Variants in SMYD3 observed in about 807,000 individuals in gnomAD.
SMYD3 encodes SET and MYND domain containing 3, also known as histone-lysine N-methyltransferase SMYD3.
Under a neutral mutation model 57.7 loss-of-function variants are expected in SMYD3, and 36 were observed. That is an observed-to-expected ratio of 0.62 (90% confidence interval 0.48 to 0.82). The LOEUF (loss-of-function observed/expected upper bound fraction) is 0.82. SMYD3 is among the 40% of genes least tolerant of loss of function. The pLI is 0.00. For synonymous variants in SMYD3, 211 were observed against 195.0 expected (o/e 1.08, Z -0.68); for missense variants, 515 against 538.8 (o/e 0.96, Z 0.44).
At chr1:246,382,893 C>T (rs988112577) in intron 1 of SMYD3, among the ~76,000 whole-genome samples, 1 of 152,194 alleles carries the variant, frequency 6.6e-6, no homozygotes, top group Non-Finnish European at 1.5e-5. Flanking sequence ...CACTCCAGGG[C>T]CAGGCTGGCC....
intron 5 of SMYD3, among the ~76,000 whole-genome samples, chr1:246,220,807 C>G (rs541665224): frequency 7.2e-5 from 11 of 152,200 alleles, no homozygotes; most frequent in Admixed American, 4.6e-4. Context: ...TGCAAACTTC[C>G]TCCCCTCTGA....
chr1:246,306,663 T>C (rs1159831253), intron 5 of SMYD3, among the ~76,000 whole-genome samples: 1 of 152,216 alleles, frequency 6.6e-6, no homozygotes, highest in African/African-American at 2.4e-5. Flanking sequence ...ACTTTTAAGG[T>C]GTAATATTGT....
intron 1 of SMYD3, among the ~76,000 whole-genome samples, chr1:246,440,368 G>A (rs536440694): frequency 7.2e-5 from 11 of 152,156 alleles, no homozygotes; most frequent in Admixed American, 2.0e-4. Context: ...TGCCAAGCAC[G>A]ACATTAGCAC....
chr1:245,750,682 A>G (rs942314610), intron 11 of SMYD3, among the ~76,000 whole-genome samples: 4 of 149,262 alleles, frequency 2.7e-5, no homozygotes, highest in Admixed American at 6.7e-5. Flanking sequence ...TTTGTAATAA[A>G]TAAGAGATAA....
intron 8 of SMYD3, among the ~76,000 whole-genome samples, chr1:245,896,861 G>C (rs1558470449): frequency 6.7e-6 from 1 of 148,284 alleles, no homozygotes; most frequent in Non-Finnish European, 1.5e-5. Flanking sequence ...GCTTGGGGGA[G>C]GCAAAACTAC....
chr1:246,259,090 A>G (rs2063952088), intron 5 of SMYD3, among the ~76,000 whole-genome samples: 1 of 152,086 alleles, frequency 6.6e-6, no homozygotes, highest in Non-Finnish European at 1.5e-5. Context: ...TAAGATATTT[A>G]TCTCTTCCTT....
At chr1:246,261,808 T>A (rs573144394) in intron 5 of SMYD3, among the ~76,000 whole-genome samples, 10 of 152,376 alleles carry the variant, frequency 6.6e-5, no homozygotes, top group South Asian at 2.1e-4. Context: ...AATGACATTC[T>A]GTACAGATGG....
chr1:246,335,607 C>G, intron 2 of SMYD3, 133 bp from the exon 3 acceptor site: 2 of 679,358 alleles, frequency 2.9e-6, no homozygotes, highest in Non-Finnish European at 5.0e-6. Context: ...AAAATAAAAG[C>G]AATATTCTAA....
intron 11 of SMYD3, among the ~76,000 whole-genome samples, chr1:245,755,936 C>T (rs2817511): frequency 0.2 from 30,017 of 151,420 alleles, 5,528 homozygotes; most frequent in African/African-American, 0.49. Flanking sequence ...TACATCAGGG[C>T]TTAAATCTGC....
intron 5 of SMYD3, among the ~76,000 whole-genome samples, chr1:245,985,337 T>G (rs1262724174): frequency 6.6e-6 from 1 of 152,228 alleles, no homozygotes; most frequent in Non-Finnish European, 1.5e-5. Flanking sequence ...CTACATAGAA[T>G]GATCATCAAT....
chr1:245,963,628 T>C (rs901982815), intron 5 of SMYD3, among the ~76,000 whole-genome samples: 2 of 150,940 alleles, frequency 1.3e-5, no homozygotes, highest in Admixed American at 6.6e-5. Flanking sequence ...AAAAGGACCA[T>C]TTTGAAAAAA....
intron 8 of SMYD3, among the ~76,000 whole-genome samples, chr1:245,876,835 TG>T (rs1311648834): frequency 3.9e-5 from 6 of 152,096 alleles, no homozygotes; most frequent in Non-Finnish European, 7.4e-5. Flanking sequence ...AGGTAAGCCC[TG>T]GGGCTATGGG....
At chr1:246,257,802 C>A (rs12135713) in intron 5 of SMYD3, among the ~76,000 whole-genome samples, 31,541 of 151,974 alleles carry the variant, frequency 0.21, 3,987 homozygotes, top group East Asian at 0.58. Flanking sequence ...TCCCCAAAAA[C>A]TCTCATGTTA....
chr1:246,145,903 G>A (rs909741878), intron 5 of SMYD3, among the ~76,000 whole-genome samples: 1 of 152,172 alleles, frequency 6.6e-6, no homozygotes, highest in Non-Finnish European at 1.5e-5. Flanking sequence ...GAGTCTTACC[G>A]ATATTAAGGA....
chr1:245,869,361 A>C (rs1360143233), intron 8 of SMYD3, among the ~76,000 whole-genome samples: 1 of 152,178 alleles, frequency 6.6e-6, no homozygotes, highest in African/African-American at 2.4e-5. Flanking sequence ...GCCCTGACCC[A>C]CTGCATGACC....
intron 1 of SMYD3, among the ~76,000 whole-genome samples, chr1:246,407,592 A>G (rs2066886693): frequency 1.3e-5 from 2 of 152,206 alleles, no homozygotes; most frequent in African/African-American, 2.4e-5. Context: ...CCGTAATCCC[A>G]GCACTTTGGG....
At chr1:246,339,354 T>C (rs1477393784) in intron 2 of SMYD3, among the ~76,000 whole-genome samples, 1 of 152,202 alleles carries the variant, frequency 6.6e-6, no homozygotes, top group African/African-American at 2.4e-5. Context: ...TATCATAGGT[T>C]TTAATTTTCT....
chr1:245,803,113 C>G (rs573705004), intron 10 of SMYD3, among the ~76,000 whole-genome samples: 1 of 152,296 alleles, frequency 6.6e-6, no homozygotes, highest in East Asian at 1.9e-4. Flanking sequence ...TTATCTGATT[C>G]ACAGGACCTA....
intron 10 of SMYD3, among the ~76,000 whole-genome samples, chr1:245,797,831 A>C (rs1479534881): frequency 1.7e-4 from 11 of 66,268 alleles, no homozygotes; most frequent in Non-Finnish European, 5.2e-4. Flanking sequence ...CGGGTTCCAA[A>C]AAAAAAAAAA....
Sources: allele counts gnomAD v4.1 joint callset (sites outside exome capture counted in the v4.1 genomes callset), GRCh38; gene constraint gnomAD v4.1.1; transcripts MANE v1.5; gene names NCBI Gene and HGNC (gene_info 2026-07-23, HGNC 2026-07-21).